Variants in PCDH15 observed in about 807,000 individuals in gnomAD.
PCDH15 encodes protocadherin-15.
In PCDH15, 129 loss-of-function variants were observed where a neutral mutation model predicts 178.5. The observed-to-expected ratio is 0.72, with a 90% CI of 0.63 to 0.84. The LOEUF is 0.84. Among genes scored for constraint, PCDH15 ranks in the 40% least tolerant of loss-of-function variants. PCDH15 has a pLI of 0.00. For synonymous variants in PCDH15, 800 were observed against 732.0 expected (o/e 1.09, Z -1.50); for missense variants, 2,230 against 2,099.9 (o/e 1.06, Z -1.21).
chr10:54,040,388 C>T (rs1003994844), intron 18 of PCDH15, among the ~76,000 whole-genome samples: 1 of 152,000 alleles, frequency 6.6e-6, no homozygotes, highest in African/African-American at 2.4e-5. Flanking sequence ...CTCTCATTCT[C>T]TCTTGCCTGC....
At chr10:54,405,555 G>C (rs1403797440) in intron 3 of PCDH15, among the ~76,000 whole-genome samples, 1 of 151,700 alleles carries the variant, frequency 6.6e-6, no homozygotes, top group Non-Finnish European at 1.5e-5. Flanking sequence ...TGGGAGGAGG[G>C]TGAGGATCAG....
chr10:54,709,792 A>T (rs2132340323), intron 1 of PCDH15, among the ~76,000 whole-genome samples: 1 of 149,066 alleles, frequency 6.7e-6, no homozygotes, highest in Middle Eastern at 3.6e-3. Context: ...TAAGGCTTAC[A>T]TTGAATGAGT....
rs1473328974 is a variant in PCDH15 at position 55,468,975 on chromosome 10, G to C, written c.-156+158650C>G. 3.9e-5 allele frequency: 6 copies of C among 151,990 alleles called. No individual in the cohort carries two copies. In the East Asian group the frequency reaches 1.2e-3, roughly 29 times the overall value. The allele number at this position is 151,990 out of a possible 1,614,324, so 9.4% of individuals were successfully genotyped here. On this transcript the variant is annotated intron_variant, in intron 2 of 5. Transcript: ENST00000613346. ...ATTAGCTTTATGTTCATCAACTATG[G>C]GCTGTTAAAACATCAACTGTCATAG...
intron 33 of PCDH15, 138 bp downstream of exon 33, chr10:53,820,027 T>C (rs1439655605): frequency 2.6e-6 from 1 of 390,522 alleles, no homozygotes; most frequent in African/African-American, 2.1e-5. Flanking sequence ...AAATATGTTT[T>C]TTGGACTTCT....
intron 15 of PCDH15, among the ~76,000 whole-genome samples, chr10:54,105,235 A>G (rs946485728): frequency 6.8e-6 from 1 of 146,554 alleles, no homozygotes; most frequent in African/African-American, 2.5e-5. Context: ...GAGGGACAGA[A>G]CTAACAAGAG....
chr10:55,537,349 T>C (rs1841601448), intron 2 of PCDH15, among the ~76,000 whole-genome samples: 1 of 152,176 alleles, frequency 6.6e-6, no homozygotes, highest in African/African-American at 2.4e-5. Flanking sequence ...TCATTCTATA[T>C]AGTTACACAC....
At position 54,197,710 on chromosome 10, in the gene PCDH15, G is replaced by A. The variant is rs568813168; in HGVS notation, c.1099-1821C>T. Among the ~76,000 whole-genome samples, 18 of 152,168 alleles carry A rather than the reference G, an allele frequency of 1.2e-4. No individual in the cohort carries two copies. In the South Asian group the frequency reaches 3.7e-3, roughly 32 times the overall value. On this transcript the variant is annotated intron_variant, in intron 10 of 37. Coordinates refer to ENST00000644397, the MANE Select transcript of PCDH15 (RefSeq NM_001384140.1). ...TAATAGTAATTTAACATTTTCATCTGTTAAAAAGGTAGGTAACAAACTACA... is the reference window on the plus strand; with the variant it reads ...TAATAGTAATTTAACATTTTCATCTATTAAAAAGGTAGGTAACAAACTACA...
chr10:54,063,922 C>G (rs1000532455), intron 18 of PCDH15, among the ~76,000 whole-genome samples: 1 of 152,216 alleles, frequency 6.6e-6, no homozygotes, highest in Non-Finnish European at 1.5e-5. Context: ...CGCAACTCTT[C>G]TCTCCTTTTT....
At chr10:55,085,066 T>C (rs555837223) in intron 2 of PCDH15, among the ~76,000 whole-genome samples, 5 of 151,942 alleles carry the variant, frequency 3.3e-5, no homozygotes, top group Middle Eastern at 3.2e-3. Flanking sequence ...CCAGATATCC[T>C]ACTGCTAGGC....
chr10:54,799,068 C>A (rs989185270), intron 1 of PCDH15, among the ~76,000 whole-genome samples: 1 of 152,058 alleles, frequency 6.6e-6, no homozygotes, highest in African/African-American at 2.4e-5. Context: ...AAAGTGATAA[C>A]ACAAAGGAAT....
chr10:55,471,967 G>A (rs1274177008), intron 2 of PCDH15, among the ~76,000 whole-genome samples: 1 of 152,198 alleles, frequency 6.6e-6, no homozygotes, highest in African/African-American at 2.4e-5. Flanking sequence ...AATATGGAAG[G>A]AGGATGGTGG....
chr10:54,919,758 T>C (rs1345689520), intron 2 of PCDH15, among the ~76,000 whole-genome samples: 1 of 152,170 alleles, frequency 6.6e-6, no homozygotes, highest in Non-Finnish European at 1.5e-5. Flanking sequence ...CCCAACAGAT[T>C]TGAGTTTAAA....
chr10:55,167,538 A>T (rs1405163625), intron 1 of PCDH15, among the ~76,000 whole-genome samples: 2 of 152,314 alleles, frequency 1.3e-5, no homozygotes, highest in Non-Finnish European at 1.5e-5. Flanking sequence ...AATTAATTTT[A>T]TGATGATGTA....
intron 13 of PCDH15, among the ~76,000 whole-genome samples, chr10:54,163,779 G>GAATGATTACAGAGTAATC (rs1169251440): frequency 2.0e-5 from 3 of 152,004 alleles, no homozygotes; most frequent in African/African-American, 7.2e-5. Flanking sequence ...CATTACTCAG[G>GAATGATTACAGAGTAATC]AATGATTACA....
chr10:55,022,432 A>G (rs1840353354), intron 2 of PCDH15, among the ~76,000 whole-genome samples: 1 of 144,456 alleles, frequency 6.9e-6, no homozygotes, highest in South Asian at 2.3e-4. Context: ...AGCCTGGGTG[A>G]CAGAGCGAGA....
chr10:55,590,452 T>TA (rs1270610481), intron 2 of PCDH15, among the ~76,000 whole-genome samples: 3 of 151,926 alleles, frequency 2.0e-5, no homozygotes, highest in African/African-American at 7.3e-5. Flanking sequence ...CCCTAAAACT[T>TA]AAAGTATAAT....
At chr10:54,348,113 G>T (rs990940815) in intron 5 of PCDH15, among the ~76,000 whole-genome samples, 2 of 152,092 alleles carry the variant, frequency 1.3e-5, no homozygotes, top group Admixed American at 6.6e-5. Context: ...CTCCCAAAGT[G>T]CTGGGATTAC....
At chr10:54,771,856 G>A (rs570593583) in intron 1 of PCDH15, among the ~76,000 whole-genome samples, 107 of 152,194 alleles carry the variant, frequency 7.0e-4, no homozygotes, top group African/African-American at 2.4e-3. Flanking sequence ...ATCACTATCT[G>A]AATATAAATT....
intron 5 of PCDH15, among the ~76,000 whole-genome samples, chr10:54,362,989 C>T (rs1386749271): frequency 6.6e-6 from 1 of 152,016 alleles, no homozygotes; most frequent in African/African-American, 2.4e-5. Context: ...TGAGCTTCTT[C>T]ATAAATTTAA....
Sources: gnomAD v4.1 joint callset for allele counts (sites outside exome capture counted in the v4.1 genomes callset) on GRCh38, gnomAD v4.1.1 for gene constraint, MANE v1.5 for transcripts, NCBI Gene and HGNC (gene_info 2026-07-23, HGNC 2026-07-21) for gene names.